GALNT13: variants seen among roughly 807,000 people sequenced by gnomAD.
The protein encoded by GALNT13 is polypeptide N-acetylgalactosaminyltransferase 13, also known as UDP-GalNAc:polypeptide N-acetylgalactosaminyltransferase 13.
In GALNT13, 28 loss-of-function variants were observed where a neutral mutation model predicts 64.2. The ratio of observed to expected loss-of-function variants is 0.44; its 90% confidence interval spans 0.32 to 0.60. The LOEUF (loss-of-function observed/expected upper bound fraction) is 0.60, where lower values mean the gene tolerates loss of function less well. GALNT13 is among the 20% of genes least tolerant of loss of function. GALNT13 has a pLI of 0.05. For synonymous variants in GALNT13, 214 were observed against 224.6 expected, an observed-to-expected ratio of 0.95 and a Z score of 0.42; for missense variants, 577 against 669.8, an observed-to-expected ratio of 0.86 and a Z score of 1.53.
chr2:153,398,922 G>T, the GALNT13 span, among the ~76,000 whole-genome samples: 62 of 117,996 alleles, frequency 5.3e-4, no homozygotes, highest in Non-Finnish European at 8.3e-4. Context: ...AAGCTCTTTA[G>T]TTTAATTAGA....
chr2:153,145,429 TA>T, the GALNT13 span, among the ~76,000 whole-genome samples: 3 of 152,008 alleles, frequency 2.0e-5, no homozygotes, highest in Non-Finnish European at 4.4e-5. Context: ...TGGTCTAGTT[TA>T]AAAAATATAC....
intron 4 of GALNT13, among the ~76,000 whole-genome samples, chr2:154,196,650 A>G (rs1686894656): frequency 6.6e-6 from 1 of 152,234 alleles, no homozygotes; most frequent in African/African-American, 2.4e-5. Context: ...AAAGGAAGCT[A>G]CTACCGGTCA....
At chr2:153,994,049 A>G (rs995401407) in intron 3 of GALNT13, among the ~76,000 whole-genome samples, 1 of 152,098 alleles carries the variant, frequency 6.6e-6, no homozygotes, top group Non-Finnish European at 1.5e-5. Context: ...ATAACTCCTA[A>G]TGCTATCTCT....
At chr2:153,642,935 A>G in the GALNT13 span, among the ~76,000 whole-genome samples, 1 of 151,696 alleles carries the variant, frequency 6.6e-6, no homozygotes, top group Non-Finnish European at 1.5e-5. Context: ...TAAATTAAGA[A>G]ACACACATCT....
chr2:153,866,456 T>C, the GALNT13 span, among the ~76,000 whole-genome samples: 1 of 152,166 alleles, frequency 6.6e-6, no homozygotes, highest in Non-Finnish European at 1.5e-5. Context: ...TATCCTACTA[T>C]ATAGTGGAGA....
At chr2:153,344,468 A>T in the GALNT13 span, among the ~76,000 whole-genome samples, 1 of 152,296 alleles carries the variant, frequency 6.6e-6, no homozygotes, top group Admixed American at 6.5e-5. Context: ...AATATCACAG[A>T]AGTGATGCTG....
the GALNT13 span, among the ~76,000 whole-genome samples, chr2:153,611,680 T>C: frequency 8.9e-5 from 5 of 55,884 alleles, no homozygotes; most frequent in Non-Finnish European, 1.5e-4. Context: ...CATTTTTACC[T>C]TTTTTTTTTT....
chr2:154,255,807 G>A (rs921987802), intron 7 of GALNT13, among the ~76,000 whole-genome samples: 8 of 151,972 alleles, frequency 5.3e-5, no homozygotes, highest in African/African-American at 1.7e-4. Flanking sequence ...ATCCCAGCAC[G>A]TTGAGAGGCC....
chr2:153,521,456 G>A, the GALNT13 span, among the ~76,000 whole-genome samples: 2 of 152,076 alleles, frequency 1.3e-5, no homozygotes, highest in African/African-American at 4.8e-5. Context: ...TATCCCTTCC[G>A]TCTACACATG....
chr2:153,641,094 C>A, the GALNT13 span, among the ~76,000 whole-genome samples: 21 of 152,002 alleles, frequency 1.4e-4, no homozygotes, highest in Non-Finnish European at 2.5e-4. Flanking sequence ...TGTATCTAAC[C>A]TTGTATTAAA....
the GALNT13 span, among the ~76,000 whole-genome samples, chr2:153,291,845 C>G: frequency 6.6e-6 from 1 of 151,786 alleles, no homozygotes. Context: ...GGGGAAACAC[C>G]TACCATTCGA....
the GALNT13 span, among the ~76,000 whole-genome samples, chr2:153,354,536 T>C: frequency 1.3e-5 from 2 of 152,204 alleles, no homozygotes; most frequent in South Asian, 2.1e-4. Flanking sequence ...AACGTAGTAG[T>C]ACACAAATAT....
chr2:153,155,225 G>C, the GALNT13 span, among the ~76,000 whole-genome samples: 2 of 152,166 alleles, frequency 1.3e-5, no homozygotes, highest in African/African-American at 4.8e-5. Flanking sequence ...GTATCAGGAT[G>C]ATGCTGGCCT....
chr2:153,796,416 A>G, the GALNT13 span, among the ~76,000 whole-genome samples: 3 of 152,202 alleles, frequency 2.0e-5, no homozygotes, highest in African/African-American at 7.2e-5. Flanking sequence ...TCATAACTCA[A>G]ATGTTTAAAT....
intron 9 of GALNT13, among the ~76,000 whole-genome samples, chr2:154,356,353 G>C (rs1696748816): frequency 2.0e-5 from 3 of 151,950 alleles, no homozygotes; most frequent in Admixed American, 2.0e-4. Context: ...AGAATTGCTA[G>C]TGTTCAATTT....
intron 3 of GALNT13, among the ~76,000 whole-genome samples, chr2:153,994,608 T>C (rs530619687): frequency 1.3e-5 from 2 of 152,188 alleles, no homozygotes; most frequent in Non-Finnish European, 2.9e-5. Context: ...TGATCGCCAT[T>C]CTAACTGGTG....
the GALNT13 span, among the ~76,000 whole-genome samples, chr2:153,087,482 A>G: frequency 1.3e-5 from 2 of 152,180 alleles, no homozygotes; most frequent in East Asian, 3.9e-4. Context: ...TTAGGGTGAT[A>G]ATGGCTTCAT....
At chr2:153,418,227 A>G in the GALNT13 span, among the ~76,000 whole-genome samples, 3 of 152,196 alleles carry the variant, frequency 2.0e-5, no homozygotes, top group African/African-American at 7.2e-5. Flanking sequence ...AGGGAGGCAC[A>G]AGCCAAGGAA....
chr2:153,086,708 ATTTTATTTAT>A, the GALNT13 span, among the ~76,000 whole-genome samples: 1 of 149,764 alleles, frequency 6.7e-6, no homozygotes, highest in African/African-American at 2.4e-5. Flanking sequence ...ATTTTATTTT[ATTTTATTTAT>A]TTTATTTTAT....
Sources: gnomAD v4.1 joint callset for allele counts (sites outside exome capture counted in the v4.1 genomes callset) on GRCh38, gnomAD v4.1.1 for gene constraint, MANE v1.5 for transcripts, NCBI Gene and HGNC (gene_info 2026-07-23, HGNC 2026-07-21) for gene names.